The following MAP4K4 variants were observed in gnomAD, a reference collection of about 807,000 sequenced individuals.
MAP4K4 encodes mitogen-activated protein kinase kinase kinase kinase 4, also known as HPK/GCK-like kinase HGK.
MAP4K4 carries 38 observed loss-of-function variants against 189.6 expected under a neutral mutation model. The ratio of observed to expected loss-of-function variants is 0.20; its 90% CI spans 0.15 to 0.26. MAP4K4 has a LOEUF of 0.26. Ranked by LOEUF, MAP4K4 falls within the 10% of genes least tolerant of loss-of-function variation. The pLI, the probability that MAP4K4 is intolerant of heterozygous loss-of-function variation, is 1.00. For missense variants in MAP4K4, 1,054 were observed against 1,726.9 expected (o/e 0.61, Z 6.91); for synonymous variants, 610 against 624.3 (o/e 0.98, Z 0.34).
At chr2:101,870,989 ACTGTCTGTTCATTT>A (rs1157836040) in intron 23 of MAP4K4, among the ~76,000 whole-genome samples, 3 of 152,166 alleles carry the variant, frequency 2.0e-5, no homozygotes, top group Admixed American at 1.3e-4. Flanking sequence ...AAGCTTTATA[ACTGTCTGTTCATTT>A]CTTAGCTTAG....
chr2:101,831,621 G>A (rs1373684381), intron 6 of MAP4K4, 100 bp from the exon 7 acceptor site: 18 of 1,318,264 alleles, frequency 1.4e-5, no homozygotes, highest in Admixed American at 2.0e-5. Flanking sequence ...TGCTGTTTCA[G>A]TTTACTATGA....
chr2:101,709,061 GTCT>G (rs2043983526), intron 2 of MAP4K4, among the ~76,000 whole-genome samples: 2 of 152,142 alleles, frequency 1.3e-5, no homozygotes, highest in Non-Finnish European at 2.9e-5. Context: ...ATCTGTTTGG[GTCT>G]TCTTGTTTCC....
chr2:101,843,979 C>T, intron 11 of MAP4K4, 122 bp from the exon 12 acceptor site: 1 of 649,992 alleles, frequency 1.5e-6, no homozygotes. Flanking sequence ...TTAGTTGTCT[C>T]CCTGGAGTCA....
At chr2:101,807,311 C>T (rs2095049316) in intron 3 of MAP4K4, among the ~76,000 whole-genome samples, 1 of 152,096 alleles carries the variant, frequency 6.6e-6, no homozygotes, top group Non-Finnish European at 1.5e-5. Flanking sequence ...ACGCAGTCCT[C>T]CTGCCTCGGC....
chr2:101,860,948 T>C (rs776155398), exon 16 of MAP4K4: 3 of 1,603,780 alleles, frequency 1.9e-6, no homozygotes, highest in Non-Finnish European at 2.6e-6. Context: ...CAACTCCGAG[T>C]CTGTGCATCC....
chr2:101,742,043 T>C (rs2149783511), intron 2 of MAP4K4, among the ~76,000 whole-genome samples: 1 of 152,248 alleles, frequency 6.6e-6, no homozygotes, highest in South Asian at 2.1e-4. Context: ...TCTTTGGTTG[T>C]GAAGAAGCTG....
At chr2:101,712,481 A>G (rs2046165639) in intron 2 of MAP4K4, among the ~76,000 whole-genome samples, 1 of 151,446 alleles carries the variant, frequency 6.6e-6, no homozygotes, top group African/African-American at 2.4e-5. Flanking sequence ...GGCGTGAGCC[A>G]CTGTGCCTGG....
At chr2:101,821,779 G>A (rs56277409) in intron 3 of MAP4K4, among the ~76,000 whole-genome samples, 9,618 of 152,248 alleles carry the variant, frequency 0.063, 823 homozygotes, top group African/African-American at 0.19. Flanking sequence ...CTAGGTTACT[G>A]TAACTCTTAC....
At chr2:101,734,540 A>G (rs1332989542) in intron 2 of MAP4K4, among the ~76,000 whole-genome samples, 1 of 151,978 alleles carries the variant, frequency 6.6e-6, no homozygotes, top group Non-Finnish European at 1.5e-5. Flanking sequence ...TTCAGCCATC[A>G]TTAGTTTGTC....
intron 2 of MAP4K4, among the ~76,000 whole-genome samples, chr2:101,731,885 T>G (rs2058665352): frequency 6.6e-6 from 1 of 152,196 alleles, no homozygotes; most frequent in Non-Finnish European, 1.5e-5. Context: ...AAGTTTTGGT[T>G]CCTGGATACC....
rs528049918 is a variant in MAP4K4 at position 101,815,564 on chromosome 2, G to A, written c.181-8364G>A. ...TGTGTATGGTCCAGCTTCTTTGCAT[G>A]CCTGGTAATTTTTAGTTAGATTCCA... On this transcript the variant is annotated intron_variant, in intron 3 of 32. Coordinates refer to ENST00000324219, the Ensembl canonical transcript of MAP4K4. Among the ~76,000 whole-genome samples, 61 of 152,162 alleles carry A rather than the reference G, an allele frequency of 4.0e-4. No individual in the cohort carries two copies. In the South Asian group the frequency reaches 0.013, roughly 32 times the overall value.
At chr2:101,833,641 A>G (rs1385561738) in intron 7 of MAP4K4, among the ~76,000 whole-genome samples, 1 of 151,752 alleles carries the variant, frequency 6.6e-6, no homozygotes, top group African/African-American at 2.4e-5. Flanking sequence ...AAAAAGAAAT[A>G]TCATCTGATA....
chr2:101,783,791 G>C (rs2089109379), intron 2 of MAP4K4, among the ~76,000 whole-genome samples: 1 of 152,156 alleles, frequency 6.6e-6, no homozygotes, highest in African/African-American at 2.4e-5. Flanking sequence ...TTCTGTTGCA[G>C]GTACACGTCA....
rs142460807 is a variant in MAP4K4, at chr2:101,843,053, C to T, written c.1022+372C>T. Among the ~76,000 whole-genome samples the T allele has an allele frequency of 2.6e-5, 4 of 152,276 alleles. No individual in the cohort carries two copies. The East Asian group carries it at 7.7e-4, about 29-fold the overall frequency. On this transcript the variant is annotated intron_variant, in intron 11 of 32. Coordinates refer to ENST00000324219, the Ensembl canonical transcript of MAP4K4. ...GGCTACACAAAAAGAATTGTCCCGC[C>T]CATGGACCAGCAGGACTGTGTTGTG...
chr2:101,777,784 G>A (rs10185051), intron 2 of MAP4K4, among the ~76,000 whole-genome samples: 3 of 152,096 alleles, frequency 2.0e-5, no homozygotes, highest in African/African-American at 4.8e-5. Flanking sequence ...GTTCACTGTT[G>A]TATCCCTAGC....
At chr2:101,722,767 A>C (rs1194296030) in intron 2 of MAP4K4, among the ~76,000 whole-genome samples, 1 of 152,200 alleles carries the variant, frequency 6.6e-6, no homozygotes, top group East Asian at 1.9e-4. Context: ...AAGGCTAAGG[A>C]CTAAAATTTT....
At chr2:101,701,242 A>T (rs527335600) in intron 2 of MAP4K4, among the ~76,000 whole-genome samples, 101 of 152,274 alleles carry the variant, frequency 6.6e-4, no homozygotes, top group African/African-American at 2.3e-3. Context: ...AGTGAGTTGA[A>T]AAGAGGGAGT....
At chr2:101,706,268 G>T (rs1330438175) in intron 2 of MAP4K4, among the ~76,000 whole-genome samples, 5 of 152,284 alleles carry the variant, frequency 3.3e-5, no homozygotes, top group African/African-American at 1.2e-4. Flanking sequence ...TCTAGCAGTA[G>T]TTGTAGTTAT....
intron 2 of MAP4K4, among the ~76,000 whole-genome samples, chr2:101,704,577 T>A (rs1172854295): frequency 1.6e-4 from 12 of 73,782 alleles, no homozygotes; most frequent in Admixed American, 3.0e-4. Flanking sequence ...ATTTTTTTTT[T>A]TTTTTTTTTT....
Sources: allele counts gnomAD v4.1 joint callset (sites outside exome capture counted in the v4.1 genomes callset), GRCh38; gene constraint gnomAD v4.1.1; transcripts MANE v1.5; gene names NCBI Gene and HGNC (gene_info 2026-07-23, HGNC 2026-07-21).